The following KIAA0513 variants were observed in gnomAD, a reference collection of about 807,000 sequenced individuals.
The protein encoded by KIAA0513 is uncharacterized protein KIAA0513.
KIAA0513 carries 39 observed loss-of-function variants against 56.5 expected under a neutral mutation model. The ratio of observed to expected loss-of-function variants is 0.69; its 90% CI spans 0.53 to 0.90. KIAA0513 has a LOEUF of 0.90. Among genes scored for constraint, KIAA0513 ranks in the 40% least tolerant of loss-of-function variants. The pLI, the probability that KIAA0513 is intolerant of heterozygous loss-of-function variation, is 0.00. For missense variants in KIAA0513, 591 were observed against 535.2 expected (o/e 1.10, Z -1.03); for synonymous variants, 268 against 215.6 (o/e 1.24, Z -2.13).
intron 1 of KIAA0513, among the ~76,000 whole-genome samples, chr16:85,033,346 G>T (rs906234458): frequency 3.9e-5 from 6 of 152,182 alleles, no homozygotes; most frequent in Admixed American, 6.5e-5. Context: ...AGGTCAGGAT[G>T]CAGGGTTTCT....
chr16:85,031,032 G>A (rs2072957280), intron 1 of KIAA0513, among the ~76,000 whole-genome samples: 1 of 152,166 alleles, frequency 6.6e-6, no homozygotes, highest in African/African-American at 2.4e-5. Context: ...ATGTAATGAA[G>A]GATGCAGAAA....
At chr16:85,057,782 TTCTC>T (rs2073350680) in intron 1 of KIAA0513, among the ~76,000 whole-genome samples, 1 of 151,526 alleles carries the variant, frequency 6.6e-6, no homozygotes, top group Non-Finnish European at 1.5e-5. Context: ...TTTTTTTTTT[TTCTC>T]TCTCTCTCCT....
At chr16:85,049,138 G>T (rs2073212197) in intron 1 of KIAA0513, among the ~76,000 whole-genome samples, 1 of 152,248 alleles carries the variant, frequency 6.6e-6, no homozygotes. Context: ...GCTCCAGATT[G>T]CAGAGCGCCT....
intron 1 of KIAA0513, among the ~76,000 whole-genome samples, chr16:85,044,162 G>A (rs68142701): frequency 2.5e-4 from 38 of 152,290 alleles, no homozygotes; most frequent in African/African-American, 8.2e-4. Context: ...TTTTCCTTTT[G>A]TAGTCACTCA....
chr16:85,052,038 T>C (rs1235995581), intron 1 of KIAA0513, among the ~76,000 whole-genome samples: 1 of 151,868 alleles, frequency 6.6e-6, no homozygotes, highest in East Asian at 2.0e-4. Context: ...AAACGACGCA[T>C]TGGCCAGGCG....
intron 1 of KIAA0513, among the ~76,000 whole-genome samples, chr16:85,047,739 T>C (rs2073191514): frequency 6.6e-6 from 1 of 152,284 alleles, no homozygotes; most frequent in South Asian, 2.1e-4. Flanking sequence ...TTCCTGTTAC[T>C]AGATGCTTCT....
intron 2 of KIAA0513, among the ~76,000 whole-genome samples, chr16:85,071,551 C>G (rs1661308346): frequency 6.6e-6 from 1 of 152,160 alleles, no homozygotes; most frequent in Admixed American, 6.5e-5. Context: ...TCTGGTTCAC[C>G]ACTCTCAAGC....
intron 1 of KIAA0513, among the ~76,000 whole-genome samples, chr16:85,054,895 C>T (rs776880515): frequency 3.9e-5 from 6 of 152,048 alleles, no homozygotes; most frequent in Non-Finnish European, 5.9e-5. Context: ...GTTCATTGAA[C>T]GGCATCGTTA....
intron 1 of KIAA0513, among the ~76,000 whole-genome samples, chr16:85,039,165 GC>G: frequency 6.6e-6 from 1 of 152,286 alleles, no homozygotes. Flanking sequence ...CAATTCTCCT[GC>G]TGCTATAGAG....
Position 85,092,290 on chromosome 16 carries a change from A to G in KIAA0513, c.*3965A>G, listed in dbSNP as rs1333428637. ...AGGATCCAGCTAGGCCCGTGTGGTT[A>G]GATCAGCTTTGTTACTGAATTACCT... On this transcript the variant is annotated 3_prime_UTR_variant, in exon 13 of 13. Coordinates refer to ENST00000683363, the MANE Select transcript of KIAA0513 (RefSeq NM_001388359.1). 1 of 152,234 alleles carries G rather than the reference A, an allele frequency of 6.6e-6. No individual in the cohort carries two copies. The highest frequency in any genetic ancestry group is 1.5e-5 in the Non-Finnish European group (1 of 68,060). 9.4% of individuals were successfully genotyped at this position (152,234 alleles called of 1,614,324 possible).
intron 4 of KIAA0513, among the ~76,000 whole-genome samples, chr16:85,073,827 C>A (rs2073615492): frequency 6.6e-6 from 1 of 152,232 alleles, no homozygotes; most frequent in South Asian, 2.1e-4. Context: ...CCTCCTGGTC[C>A]TTGGCTCATC....
intron 1 of KIAA0513, among the ~76,000 whole-genome samples, chr16:85,035,812 A>C (rs1402402482): frequency 6.6e-6 from 1 of 152,046 alleles, no homozygotes; most frequent in African/African-American, 2.4e-5. Flanking sequence ...CCCCGTCTCT[A>C]CTAAAAGAAT....
At chr16:85,034,157 TC>T in intron 1 of KIAA0513, among the ~76,000 whole-genome samples, 1 of 152,230 alleles carries the variant, frequency 6.6e-6, no homozygotes, top group African/African-American at 2.4e-5. Context: ...GGCAGGTGGA[TC>T]ACTGGAGGTC....
In KIAA0513 at chr16:85,076,492, A is replaced by G. The variant is rs2073657621; in HGVS notation, c.574+578A>G. On this transcript the variant is annotated intron_variant, in intron 5 of 12. Transcript: ENST00000683363. The surrounding 1 kb of genome is among the most constrained non-coding windows in gnomAD (Gnocchi z 4.7). The stretch of plus-strand genomic sequence containing the variant: ...GTGAGTCTCCTTGGGCTGCAGCAAC[A>G]GGACTCATTCAGGCCACCATAGGTG... 6.6e-6 allele frequency among the ~76,000 whole-genome samples: 1 copy of G among 152,196 alleles called. No homozygotes were observed. The highest frequency in any genetic ancestry group is 2.1e-4 in the South Asian group (1 of 4,834).
At chr16:85,084,994 G>C (rs1382386909) in intron 10 of KIAA0513, among the ~76,000 whole-genome samples, 1 of 152,190 alleles carries the variant, frequency 6.6e-6, no homozygotes, top group Admixed American at 6.5e-5. Flanking sequence ...AAGAAGAATC[G>C]CCTCCTCATT....
chr16:85,077,443 C>G lies in KIAA0513; in HGVS notation c.593C>G (p.Pro198Arg). The G allele has an allele frequency of 6.2e-7, 1 of 1,614,096 alleles. No homozygotes were observed. The highest frequency in any genetic ancestry group is 1.1e-5 in the South Asian group (1 of 91,064). ...ATCCAAGGAAAACCACAGCTGCTGC[C>G]CCCGGAGTCCCGGGAGAAGCCCGCG... Reference protein sequence around the residue: ...YYHIGKPQLLPPESREKPAGS... With the variant: ...YYHIGKPQLLRPESREKPAGS... Residue 198 changes from proline (P) to arginine (R), a missense_variant, in exon 6 of 13, where the codon CCC (proline) becomes CGC (arginine). Coordinates refer to ENST00000683363, the MANE Select transcript of KIAA0513 (RefSeq NM_001388359.1).
intron 1 of KIAA0513, among the ~76,000 whole-genome samples, chr16:85,062,120 C>G (rs1287808013): frequency 6.6e-6 from 1 of 152,106 alleles, no homozygotes; most frequent in African/African-American, 2.4e-5. Context: ...TTCAGATCGT[C>G]TCTGTAGCAC....
chr16:85,086,599 A>AC, intron 10 of KIAA0513, 45 bp from the exon 11 acceptor site: 1 of 1,570,932 alleles, frequency 6.4e-7, no homozygotes, highest in Admixed American at 1.7e-5. Context: ...TGGGGCAAGG[A>AC]CAGCACCATC....
intron 5 of KIAA0513, 41 bp from the exon 6 acceptor site, chr16:85,077,384 C>T (rs1252606248): frequency 2.5e-6 from 4 of 1,596,472 alleles, no homozygotes; most frequent in Non-Finnish European, 3.4e-6. Context: ...GGCGCATACC[C>T]CAGCCTCACT....
Sources: allele counts gnomAD v4.1 joint callset (sites outside exome capture counted in the v4.1 genomes callset), GRCh38; gene constraint gnomAD v4.1.1; non-coding constraint Gnocchi (gnomAD v3.1); transcripts MANE v1.5; gene names NCBI Gene and HGNC (gene_info 2026-07-23, HGNC 2026-07-21).